Variants in ZFR observed in about 807,000 individuals in gnomAD.
The protein encoded by ZFR is zinc finger RNA-binding protein.
In ZFR, 19 loss-of-function variants were observed where a neutral mutation model predicts 130.7. The observed-to-expected ratio is 0.15, with a 90% CI of 0.10 to 0.21. The LOEUF is 0.21. ZFR is among the 10% of genes least tolerant of loss of function. The probability of loss-of-function intolerance (pLI) is 1.00; values close to 1 mark genes in which losing one functional copy is unlikely to be tolerated. For synonymous variants in ZFR, 466 were observed against 456.9 expected, an observed-to-expected ratio of 1.02 and a Z score of -0.25; for missense variants, 872 against 1,321.5, an observed-to-expected ratio of 0.66 and a Z score of 5.27.
chr5:32,397,381 T>C (rs200535096), intron 9 of ZFR, 43 bp from the exon 10 acceptor site: 279 of 1,598,800 alleles, frequency 1.7e-4, no homozygotes, highest in Non-Finnish European at 2.2e-4. Context: ...TAGTTGAAGA[T>C]TATATCATTC....
intron 3 of ZFR, among the ~76,000 whole-genome samples, chr5:32,418,429 A>C (rs573707218): frequency 1.3e-5 from 2 of 152,328 alleles, no homozygotes; most frequent in African/African-American, 4.8e-5. Context: ...ATATTACAAA[A>C]GAACACTTGT....
chr5:32,409,227 T>A (rs918445741), intron 5 of ZFR, among the ~76,000 whole-genome samples: 3 of 152,178 alleles, frequency 2.0e-5, no homozygotes, highest in African/African-American at 7.2e-5. Context: ...CCAGAGATCT[T>A]AGTCTAGAAA....
At chr5:32,402,613 G>GAAA (rs61102954) in intron 8 of ZFR, among the ~76,000 whole-genome samples, 7 of 122,012 alleles carry the variant, frequency 5.7e-5, no homozygotes, top group African/African-American at 1.7e-4. Flanking sequence ...CCAAAAAAAA[G>GAAA]AAAAAAAAAA....
chr5:32,440,771 A>G lies in ZFR; in HGVS notation c.137+3458T>C, dbSNP rs116904327. On this transcript the variant is annotated intron_variant, in intron 2 of 19. Coordinates refer to ENST00000265069, the MANE Select transcript of ZFR (RefSeq NM_016107.5). ...TGTCTAATATGCATGAACACAAATG[A>G]AAAATGTGGTAACTAATCTACAAGT... Among the ~76,000 whole-genome samples, 192 of 152,362 alleles carry G rather than the reference A, an allele frequency of 1.3e-3. 4 individuals carry two copies. In the East Asian group the frequency reaches 0.035, roughly 28 times the overall value.
chr5:32,416,614 C>CAAAAA (rs10630801), intron 4 of ZFR, among the ~76,000 whole-genome samples: 4 of 132,776 alleles, frequency 3.0e-5, no homozygotes, highest in African/African-American at 8.6e-5. Context: ...AACTCCGTCT[C>CAAAAA]AAAAAAAAAA....
In ZFR at chr5:32,400,091, G is replaced by A. The variant is rs899443300; in HGVS notation, c.1629C>T (p.Asp543=). 1 of 1,613,626 alleles carries A rather than the reference G, an allele frequency of 6.2e-7. No individual in the cohort carries two copies. The highest frequency in any genetic ancestry group is 8.5e-7 in the Non-Finnish European group (1 of 1,179,704). The change falls in exon 9 of 20, where the codon GAC becomes GAT. Residue 543 remains aspartate, a synonymous_variant. Transcript: ENST00000265069. ...CAGGTGTGACTGGTTCTGACACTGT[G>A]TCTTGCTTTACTTCAGGAATCTGCA... ...SAVQIPEVKQ[D]TVSEPVTPAS...
At chr5:32,386,232 G>A (rs932371051) in intron 14 of ZFR, among the ~76,000 whole-genome samples, 1 of 152,060 alleles carries the variant, frequency 6.6e-6, no homozygotes, top group Non-Finnish European at 1.5e-5. Context: ...GTGATGCGAT[G>A]ATAGACAAAT....
intron 2 of ZFR, among the ~76,000 whole-genome samples, chr5:32,425,631 G>C (rs935062670): frequency 6.7e-6 from 1 of 149,888 alleles, no homozygotes; most frequent in Admixed American, 6.6e-5. Flanking sequence ...AGGTCAAGCA[G>C]TTTTCCCTGC....
chr5:32,404,255 A>G (rs1009128989), intron 6 of ZFR, among the ~76,000 whole-genome samples, 158 bp from the exon 7 acceptor site: 5 of 152,228 alleles, frequency 3.3e-5, no homozygotes, highest in Non-Finnish European at 7.3e-5. Context: ...CATATGTGAC[A>G]TATCTATGGT....
chr5:32,387,699 T>A lies in ZFR; in HGVS notation c.2349A>T (p.Arg783Ser), dbSNP rs1004129893. 10 of 1,603,056 alleles carry A rather than the reference T, an allele frequency of 6.2e-6. No homozygotes were observed. Among genetic ancestry groups the A allele is most frequent in the Non-Finnish European group, 3.4e-6 (4 of 1,174,478 alleles). ...GDDKKEGGKD[R>S]ALKGVLRVGV... ...CCACTCGCAAAACTCCTTTCAAAGC[T>A]CTGCAGTAAAATAAAATTATATTAT... Residue 783 changes from arginine to serine, a missense_variant and splice_region_variant, in exon 14 of 20, where the codon AGA (arginine) becomes AGT (serine). By Grantham distance (110) the Arg-to-Ser change is moderately radical (BLOSUM62 -1). Transcript: ENST00000265069.
intron 8 of ZFR, among the ~76,000 whole-genome samples, chr5:32,402,307 T>C (rs1178017231): frequency 1.3e-5 from 2 of 152,166 alleles, no homozygotes; most frequent in Non-Finnish European, 2.9e-5. Flanking sequence ...CCTAAAGGTG[T>C]AGCAGTCAAC....
intron 17 of ZFR, among the ~76,000 whole-genome samples, chr5:32,366,301 T>C (rs1286831944): frequency 1.3e-5 from 2 of 152,240 alleles, no homozygotes; most frequent in Non-Finnish European, 2.9e-5. Flanking sequence ...TGAGTACTTT[T>C]AGCAAATGTT....
intron 19 of ZFR, among the ~76,000 whole-genome samples, chr5:32,358,202 G>C (rs1752352346): frequency 6.6e-6 from 1 of 152,124 alleles, no homozygotes. Context: ...ACTAAAAATA[G>C]AAAAATTAGC....
chr5:32,371,617 A>G (rs1475030229), intron 17 of ZFR, among the ~76,000 whole-genome samples: 1 of 152,120 alleles, frequency 6.6e-6, no homozygotes, highest in African/African-American at 2.4e-5. Context: ...TTTCAGAAGA[A>G]ATTTTCCTAA....
intron 2 of ZFR, among the ~76,000 whole-genome samples, chr5:32,420,638 T>C (rs1238654754): frequency 1.3e-5 from 2 of 152,218 alleles, no homozygotes; most frequent in Non-Finnish European, 2.9e-5. Flanking sequence ...GGGGGAATTT[T>C]TCCCCCAGGG....
intron 2 of ZFR, among the ~76,000 whole-genome samples, chr5:32,439,728 C>T (rs1282759970): frequency 1.4e-5 from 2 of 147,008 alleles, no homozygotes; most frequent in East Asian, 4.1e-4. Flanking sequence ...ATCACTTGAG[C>T]TCAGGGGTTC....
In ZFR at chr5:32,377,234, CCTCT is replaced by C. The variant is rs765350589; in HGVS notation, c.2835+1877_2835+1880del. On this transcript the variant is annotated intron_variant, in intron 17 of 19. Coordinates refer to ENST00000265069, the MANE Select transcript of ZFR (RefSeq NM_016107.5). Reference sequence around the variant, plus strand: ...TCTCTTTCTCTCTCTCTCTCTCTCTCCTCTCTCTCTTTCTTTCGAGACAGAATCT... The same window carrying C: ...TCTCTTTCTCTCTCTCTCTCTCTCTCCTCTCTTTCTTTCGAGACAGAATCT... 2.7e-5 allele frequency among the ~76,000 whole-genome samples: 4 copies of C among 148,470 alleles called. No individual in the cohort carries two copies. In the East Asian group the frequency reaches 5.9e-4, roughly 22 times the overall value.
At chr5:32,401,632 G>C (rs1299448458) in intron 8 of ZFR, among the ~76,000 whole-genome samples, 1 of 152,132 alleles carries the variant, frequency 6.6e-6, no homozygotes, top group African/African-American at 2.4e-5. Flanking sequence ...GGTAGGCATG[G>C]GTCAGGTAAT....
chr5:32,397,849 C>CTTTTTTTTTTTTTTTTTTT (rs70961626), intron 9 of ZFR, among the ~76,000 whole-genome samples: 4 of 66,868 alleles, frequency 6.0e-5, no homozygotes, highest in African/African-American at 2.5e-4. Context: ...GCTCTTGTAT[C>CTTTTTTTTTTTTTTTTTTT]TTTTTTTTTT....
Sources: allele counts gnomAD v4.1 joint callset (sites outside exome capture counted in the v4.1 genomes callset), GRCh38; gene constraint gnomAD v4.1.1; transcripts MANE v1.5; gene names NCBI Gene and HGNC (gene_info 2026-07-23, HGNC 2026-07-21).